Variants in USP47 observed in about 807,000 individuals in gnomAD.
The protein encoded by USP47 is ubiquitin specific peptidase 47.
USP47 carries 35 observed loss-of-function variants against 165.1 expected under a neutral mutation model. The ratio of observed to expected loss-of-function variants is 0.21; its 90% CI spans 0.16 to 0.28. The LOEUF (loss-of-function observed/expected upper bound fraction) is 0.28. Ranked by LOEUF, USP47 falls within the 10% of genes least tolerant of loss-of-function variation. The pLI, the probability that USP47 is intolerant of heterozygous loss-of-function variation, is 1.00. For synonymous variants in USP47, 531 were observed against 544.5 expected, an observed-to-expected ratio of 0.98 and a Z score of 0.35; for missense variants, 1,277 against 1,607.4, an observed-to-expected ratio of 0.79 and a Z score of 3.52.
chr11:11,850,063 C>T (rs1291264531), intron 1 of USP47, among the ~76,000 whole-genome samples: 1 of 152,076 alleles, frequency 6.6e-6, no homozygotes, highest in African/African-American at 2.4e-5. Flanking sequence ...TCTTTGTCCC[C>T]AGAGTTCTGA....
chr11:11,906,508 A>G (rs1272800620), intron 8 of USP47, among the ~76,000 whole-genome samples: 4 of 152,096 alleles, frequency 2.6e-5, no homozygotes, highest in Non-Finnish European at 4.4e-5. Context: ...TTTTTCTCCT[A>G]CCTTTATATG....
intron 8 of USP47, among the ~76,000 whole-genome samples, chr11:11,916,443 A>G (rs1025085298): frequency 2.6e-5 from 4 of 152,208 alleles, no homozygotes; most frequent in African/African-American, 9.6e-5. Flanking sequence ...GTATCCAAAA[A>G]CTTAAGCAAA....
intron 1 of USP47, among the ~76,000 whole-genome samples, chr11:11,852,818 G>A (rs1848803129): frequency 6.6e-6 from 1 of 152,094 alleles, no homozygotes; most frequent in African/African-American, 2.4e-5. Flanking sequence ...TTTGTCTCAT[G>A]CCCCAAGCCA....
At chr11:11,909,111 A>T (rs1277865314) in intron 8 of USP47, among the ~76,000 whole-genome samples, 10 of 152,168 alleles carry the variant, frequency 6.6e-5, no homozygotes, top group Admixed American at 6.5e-4. Flanking sequence ...GCTCTACATT[A>T]GATTAAGGTG....
At position 11,942,981 on chromosome 11, in the gene USP47, A is replaced by G; in HGVS notation, c.2960A>G (p.Asp987Gly). 1 of 1,613,630 alleles carries G rather than the reference A, an allele frequency of 6.2e-7. No homozygotes were observed. The highest frequency in any genetic ancestry group is 8.5e-7 in the Non-Finnish European group (1 of 1,179,704). Reference protein sequence around the residue: ...KANEGKKETWDTAEEDSGTDS... With the variant: ...KANEGKKETWGTAEEDSGTDS... ...AATGAAGGGAAAAAAGAAACATGGG[A>G]TACAGCAGAAGAAGACTCTGGAACT... Residue 987 changes from aspartate to glycine, a missense_variant, in exon 20 of 28, where the codon GAT becomes GGT. Physicochemically the swap from Asp to Gly is moderately conservative, Grantham distance 94. Around this residue, in one of 4 missense-constraint regions of USP47, gnomAD observed 909 missense variants for 1,068.1 expected, o/e 0.85. Transcript: ENST00000527733.
chr11:11,861,902 A>G (rs55677630), intron 1 of USP47, among the ~76,000 whole-genome samples: 53 of 152,322 alleles, frequency 3.5e-4, no homozygotes, highest in Admixed American at 1.2e-3. Context: ...AATTCATACC[A>G]TGATACATTG....
At chr11:11,868,144 C>A (rs1849802196) in intron 1 of USP47, among the ~76,000 whole-genome samples, 1 of 151,970 alleles carries the variant, frequency 6.6e-6, no homozygotes, top group African/African-American at 2.4e-5. Context: ...ATGTACTCTT[C>A]ACCCAGTCTA....
intron 1 of USP47, among the ~76,000 whole-genome samples, chr11:11,850,102 G>GT (rs1021133426): frequency 2.6e-5 from 4 of 151,498 alleles, no homozygotes; most frequent in South Asian, 2.1e-4. Flanking sequence ...TTATATGTCT[G>GT]TTTTTTTAAT....
chr11:11,932,738 A>T (rs1366091079), intron 14 of USP47, among the ~76,000 whole-genome samples: 2 of 152,152 alleles, frequency 1.3e-5, no homozygotes, highest in African/African-American at 4.8e-5. Flanking sequence ...ATTAATCCAC[A>T]TACTGGAGTT....
intron 19 of USP47, among the ~76,000 whole-genome samples, chr11:11,941,145 G>A (rs1436350206): frequency 6.6e-6 from 1 of 151,594 alleles, no homozygotes; most frequent in East Asian, 1.9e-4. Context: ...ATTCATCTTA[G>A]TACAGTCTAG....
rs191796617 is a variant in USP47, at chr11:11,847,240, G to C, written c.39+5016G>C. On this transcript the variant is annotated intron_variant, in intron 1 of 27. Coordinates refer to ENST00000527733, the MANE Select transcript of USP47 (RefSeq NM_001282659.2). Reference sequence around the variant, plus strand: ...TACATTATTTTCAAAAACAGAAATTGAGATGATCTGATTGTAGTTTTGGGG... The same window carrying C: ...TACATTATTTTCAAAAACAGAAATTCAGATGATCTGATTGTAGTTTTGGGG... Among the ~76,000 whole-genome samples the C allele has an allele frequency of 5.3e-5, 8 of 151,508 alleles. No homozygotes were observed. In the East Asian group the frequency reaches 1.5e-3, roughly 29 times the overall value.
chr11:11,885,554 C>A (rs1018979289), intron 3 of USP47, among the ~76,000 whole-genome samples: 1 of 152,098 alleles, frequency 6.6e-6, no homozygotes, highest in Non-Finnish European at 1.5e-5. Flanking sequence ...CAGGAGCCCA[C>A]GCCACCAGGG....
intron 1 of USP47, among the ~76,000 whole-genome samples, chr11:11,846,949 T>C (rs1013700893): frequency 1.3e-5 from 2 of 152,124 alleles, no homozygotes; most frequent in African/African-American, 4.8e-5. Flanking sequence ...TGTCAAGTTA[T>C]ACCCGCCAGC....
At chr11:11,855,963 G>A (rs767951774) in intron 1 of USP47, among the ~76,000 whole-genome samples, 1 of 152,188 alleles carries the variant, frequency 6.6e-6, no homozygotes, top group Non-Finnish European at 1.5e-5. Flanking sequence ...ATAGAGCGGG[G>A]AGCAGCTGGC....
At chr11:11,885,492 A>G (rs1281931942) in intron 3 of USP47, among the ~76,000 whole-genome samples, 2 of 152,128 alleles carry the variant, frequency 1.3e-5, no homozygotes, top group East Asian at 3.8e-4. Flanking sequence ...TCTGCCCAGG[A>G]AACCACGCTA....
Position 11,956,246 on chromosome 11 carries a change from G to GAA in USP47, c.*71_*72insAA. The GAA allele has an allele frequency of 1.9e-6, 3 of 1,564,124 alleles. No individual in the cohort carries two copies. The highest frequency in any genetic ancestry group is 1.4e-5 in the African/African-American group (1 of 73,474). ...AGATGGTTCACTACCACTGGGTAGT[G>GAA]CCATTTTGGCCGGACATGGTTGGGG... On this transcript the variant is annotated 3_prime_UTR_variant, in exon 28 of 28. Transcript: ENST00000527733.
chr11:11,883,051 A>G (rs1455491742), intron 2 of USP47, among the ~76,000 whole-genome samples: 14 of 152,122 alleles, frequency 9.2e-5, no homozygotes, highest in Admixed American at 9.2e-4. Flanking sequence ...TCAGAAAACT[A>G]AGCCCATTTA....
chr11:11,876,759 T>C (rs921573568), intron 1 of USP47, among the ~76,000 whole-genome samples: 2 of 152,198 alleles, frequency 1.3e-5, no homozygotes, highest in Non-Finnish European at 2.9e-5. Flanking sequence ...ATTTCTTACA[T>C]GGTGGCTGGG....
chr11:11,869,574 A>T (rs1849900073), intron 1 of USP47, among the ~76,000 whole-genome samples: 1 of 152,092 alleles, frequency 6.6e-6, no homozygotes. Context: ...CCTTTTAGTT[A>T]TTCTGATTCC....
Sources: gnomAD v4.1 joint callset for allele counts (sites outside exome capture counted in the v4.1 genomes callset) on GRCh38, gnomAD v4.1.1 for gene constraint, gnomAD v4.1.1 regional missense constraint, MANE v1.5 for transcripts, NCBI Gene and HGNC (gene_info 2026-07-23, HGNC 2026-07-21) for gene names.